The following MAGI3 variants were observed in gnomAD, a reference collection of about 807,000 sequenced individuals.
MAGI3 encodes the protein membrane-associated guanylate kinase, WW and PDZ domain-containing protein 3.
Under a neutral mutation model 121.8 loss-of-function variants are expected in MAGI3, and 43 were observed. The ratio of observed to expected loss-of-function variants is 0.35; its 90% CI spans 0.28 to 0.46. The LOEUF (loss-of-function observed/expected upper bound fraction) is 0.46, where lower values mean the gene tolerates loss of function less well. Among genes scored for constraint, MAGI3 ranks in the 20% least tolerant of loss-of-function variants. The pLI is 1.00. For synonymous variants in MAGI3, 553 were observed against 639.3 expected (o/e 0.86, Z 2.04); for missense variants, 1,547 against 1,797.3 (o/e 0.86, Z 2.52).
At chr1:113,546,899 G>A (rs373918207) in intron 1 of MAGI3, among the ~76,000 whole-genome samples, 60 of 151,558 alleles carry the variant, frequency 4.0e-4, no homozygotes, top group African/African-American at 1.4e-3. Context: ...TGGCTAATAC[G>A]GTGAAGCCCC....
intron 9 of MAGI3, among the ~76,000 whole-genome samples, chr1:113,633,593 C>G (rs1570970611): frequency 6.6e-6 from 1 of 152,082 alleles, no homozygotes; most frequent in South Asian, 2.1e-4. Context: ...GCATAGTATT[C>G]CACGGTGTAT....
chr1:113,472,873 T>C (rs1041839960), intron 1 of MAGI3, among the ~76,000 whole-genome samples: 5 of 152,228 alleles, frequency 3.3e-5, no homozygotes, highest in Non-Finnish European at 7.3e-5. Context: ...CCCACCACAT[T>C]TTATGTAATT....
At chr1:113,496,684 T>A (rs1247012871) in intron 1 of MAGI3, among the ~76,000 whole-genome samples, 1 of 152,248 alleles carries the variant, frequency 6.6e-6, no homozygotes. Context: ...TTGAGCCAAT[T>A]TTCAATTGTT....
At chr1:113,679,710 T>A (rs1341238297) in intron 19 of MAGI3, among the ~76,000 whole-genome samples, 1 of 82,292 alleles carries the variant, frequency 1.2e-5, no homozygotes, top group Non-Finnish European at 3.1e-5. Flanking sequence ...TGAAAAATGA[T>A]TTTTTTTTTT....
chr1:113,512,298 GCTTGGCTT>G (rs1231383700), intron 1 of MAGI3, among the ~76,000 whole-genome samples: 3 of 152,140 alleles, frequency 2.0e-5, no homozygotes, highest in Non-Finnish European at 4.4e-5. Context: ...ACCTCTCTTA[GCTTGGCTT>G]TAATTGTAAA....
chr1:113,475,665 C>G (rs1655781310), intron 1 of MAGI3, among the ~76,000 whole-genome samples: 1 of 151,616 alleles, frequency 6.6e-6, no homozygotes, highest in Admixed American at 6.6e-5. Flanking sequence ...CGCATCAATA[C>G]AGGGATATTG....
Position 113,478,079 on chromosome 1 carries a change from A to T in MAGI3, c.317-71436A>T, listed in dbSNP as rs183498996. Among the ~76,000 whole-genome samples the T allele has an allele frequency of 6.0e-3, 907 of 152,270 alleles. 5 individuals carry two copies. Among genetic ancestry groups the T allele is most frequent in the Non-Finnish European group, 0.01 (702 of 68,030 alleles). ...TCGTGCCATGGTTTTCAGCTCCATC[A>T]GGTCATTTAAGGTCTTCTCTACACT... On this transcript the variant is annotated intron_variant, in intron 1 of 20. Transcript: ENST00000307546.
intron 1 of MAGI3, chr1:113,449,817 A>G: frequency 8.2e-7 from 1 of 1,222,384 alleles, no homozygotes; most frequent in Non-Finnish European, 1.2e-6. Flanking sequence ...GGGCACACTC[A>G]CAGATTGTGT....
intron 2 of MAGI3, among the ~76,000 whole-genome samples, chr1:113,571,017 T>C (rs1428945538): frequency 6.6e-6 from 1 of 152,244 alleles, no homozygotes; most frequent in Non-Finnish European, 1.5e-5. Context: ...AGGGTTTTTA[T>C]GGTTTTAGGT....
rs181002286 is a variant in MAGI3 at position 113,416,153 on chromosome 1, G to C, written c.316+24804G>C. On this transcript the variant is annotated intron_variant, in intron 1 of 20. Transcript: ENST00000307546. ...GACACATATTAATTATGTAATTAAT[G>C]ACACATATTATTATGTAATTAATGA... 6.6e-3 allele frequency among the ~76,000 whole-genome samples: 582 copies of C among 87,694 alleles called. 14 individuals are homozygous for C. In the East Asian group the frequency reaches 0.11, roughly 17 times the overall value. 57.5% of individuals were successfully genotyped at this position (87,694 alleles called of 152,430 possible).
intron 1 of MAGI3, among the ~76,000 whole-genome samples, chr1:113,444,040 T>A (rs1654047223): frequency 6.6e-6 from 1 of 152,174 alleles, no homozygotes; most frequent in South Asian, 2.1e-4. Context: ...ATCTCTGGAG[T>A]CTACTGAAGG....
chr1:113,581,813 A>G (rs531956347), intron 3 of MAGI3, among the ~76,000 whole-genome samples: 1 of 152,258 alleles, frequency 6.6e-6, no homozygotes. Flanking sequence ...TCATTTGTTC[A>G]TTCGTTTTAT....
rs527448461 is a variant in MAGI3, at chr1:113,398,210, A to G, written c.316+6861A>G. 2.6e-5 allele frequency among the ~76,000 whole-genome samples: 4 copies of G among 152,318 alleles called. No individual in the cohort carries two copies. The South Asian group carries it at 6.2e-4, about 24-fold the overall frequency. ...GACATATCTAAATACCTGAGAAAGG[A>G]CACGCTGTCCTTATAGGTGATTAGG... On this transcript the variant is annotated intron_variant, in intron 1 of 20. Transcript: ENST00000307546.
At chr1:113,563,325 AC>A (rs902367272) in intron 2 of MAGI3, among the ~76,000 whole-genome samples, 45 of 152,292 alleles carry the variant, frequency 3.0e-4, no homozygotes, top group African/African-American at 1.0e-3. Flanking sequence ...CTATAAATCT[AC>A]TTTTTTGCCT....
chr1:113,454,727 T>C (rs1282832574), intron 1 of MAGI3, among the ~76,000 whole-genome samples: 2 of 152,128 alleles, frequency 1.3e-5, no homozygotes. Context: ...CTCCCACTTA[T>C]GAGTGAGAAC....
At chr1:113,508,889 A>G (rs1657475915) in intron 1 of MAGI3, among the ~76,000 whole-genome samples, 1 of 152,182 alleles carries the variant, frequency 6.6e-6, no homozygotes, top group African/African-American at 2.4e-5. Context: ...GCAAAATAGG[A>G]AAACAGTTAT....
intron 9 of MAGI3, among the ~76,000 whole-genome samples, chr1:113,628,561 G>T (rs145324821): frequency 1.3e-5 from 2 of 151,922 alleles, no homozygotes; most frequent in African/African-American, 4.8e-5. Context: ...CTTTTCTTTC[G>T]CATTGAAGAA....
chr1:113,653,688 G>A (rs1366951172), intron 14 of MAGI3, 142 bp from the exon 15 acceptor site: 16 of 609,254 alleles, frequency 2.6e-5, no homozygotes, highest in South Asian at 6.1e-5. Flanking sequence ...GATTATACCC[G>A]AAGCTCACAT....
chr1:113,479,451 T>C (rs1656010325), intron 1 of MAGI3, among the ~76,000 whole-genome samples: 1 of 152,214 alleles, frequency 6.6e-6, no homozygotes, highest in Non-Finnish European at 1.5e-5. Context: ...ATGCAAAGTT[T>C]CTGCTGAGAA....
Sources: allele counts gnomAD v4.1 joint callset (sites outside exome capture counted in the v4.1 genomes callset), GRCh38; gene constraint gnomAD v4.1.1; transcripts MANE v1.5; gene names NCBI Gene and HGNC (gene_info 2026-07-23, HGNC 2026-07-21).